The following OSMR variants were observed in gnomAD, a reference collection of about 807,000 sequenced individuals.
The protein encoded by OSMR is oncostatin M receptor, also known as oncostatin-M-specific receptor subunit beta.
Under a neutral mutation model 99.9 loss-of-function variants are expected in OSMR, and 81 were observed. That is an observed-to-expected ratio of 0.81 (90% CI 0.68 to 0.97). The LOEUF is 0.97. Ranked by LOEUF, OSMR falls within the 50% of genes least tolerant of loss-of-function variation. The pLI, the probability that OSMR is intolerant of heterozygous loss-of-function variation, is 0.00. For synonymous variants in OSMR, 406 were observed against 410.4 expected (o/e 0.99, Z 0.13); for missense variants, 1,099 against 1,153.4 (o/e 0.95, Z 0.68).
intron 3 of OSMR, among the ~76,000 whole-genome samples, chr5:38,877,842 T>A (rs987232952): frequency 2.0e-5 from 3 of 152,236 alleles, no homozygotes; most frequent in African/African-American, 4.8e-5. Flanking sequence ...GTGGATTTTT[T>A]TATTTATTTT....
exon 3 of OSMR, chr5:38,945,070 T>C (rs1168702779): frequency 5.1e-6 from 8 of 1,583,674 alleles, no homozygotes; most frequent in African/African-American, 1.4e-5. Context: ...CTTGAAAGTC[T>C]GAAGAAAAAA....
intron 4 of OSMR, among the ~76,000 whole-genome samples, chr5:38,882,565 A>T (rs2112373846): frequency 1.3e-5 from 2 of 151,934 alleles, no homozygotes; most frequent in Middle Eastern, 6.8e-3. Flanking sequence ...ACAGGGCAAG[A>T]TTCTGTCTCT....
In OSMR at chr5:38,925,204, A is replaced by G. The variant is rs774371362; in HGVS notation, c.2045A>G (p.Asp682Gly). 6.2e-7 allele frequency: 1 copy of G among 1,613,940 alleles called. No homozygotes were observed. Among genetic ancestry groups the G allele is most frequent in the African/African-American group, 1.3e-5 (1 of 75,040 alleles). Residue 682 changes from aspartate (D) to glycine (G), a missense_variant and splice_region_variant, in exon 15 of 18, where the codon GAT becomes GGT. By Grantham distance (94) the Asp-to-Gly change is moderately conservative. Transcript: ENST00000274276. ...AAAAAAACCATTTAAAAAATCACAG[A>G]TGGTTCAGAATGTTGCAAATACAAA... ...HPRFEKAVLS[D>G]GSECCKYKID...
intron 11 of OSMR, among the ~76,000 whole-genome samples, chr5:38,920,913 A>G (rs900179398): frequency 6.6e-6 from 1 of 152,206 alleles, no homozygotes. Context: ...ACATGGCAGT[A>G]TTAGTCATAA....
intron 4 of OSMR, among the ~76,000 whole-genome samples, chr5:38,882,343 G>A (rs2112371391): frequency 6.6e-6 from 1 of 152,338 alleles, no homozygotes; most frequent in Admixed American, 6.5e-5. Context: ...GGGAGGCCAA[G>A]GCGGGTGGAT....
intron 11 of OSMR, chr5:38,919,520 C>A: frequency 2.7e-6 from 1 of 371,970 alleles, no homozygotes. Context: ...ACCACAGACT[C>A]TGCCAACTTT....
intron 7 of OSMR, among the ~76,000 whole-genome samples, chr5:38,898,534 T>C (rs2112502650): frequency 6.6e-6 from 1 of 152,328 alleles, no homozygotes; most frequent in South Asian, 2.1e-4. Flanking sequence ...ATTGGGTCTT[T>C]TGTTTTTAAA....
chr5:38,941,473 T>C (rs1429688938), intron 1 of OSMR: 3 of 231,696 alleles, frequency 1.3e-5, no homozygotes, highest in Non-Finnish European at 2.6e-5. Flanking sequence ...AGTTCCTGTT[T>C]AAAGCGATGA....
intron 2 of OSMR, among the ~76,000 whole-genome samples, chr5:38,869,586 A>T (rs1742215555): frequency 1.3e-5 from 2 of 152,208 alleles, no homozygotes. Flanking sequence ...TGAAAATATG[A>T]AACAATAGAA....
chr5:38,918,738 G>A, intron 10 of OSMR, 102 bp from the exon 11 acceptor site: 1 of 1,546,876 alleles, frequency 6.5e-7, no homozygotes, highest in Non-Finnish European at 8.7e-7. Flanking sequence ...TCTGGTGTGT[G>A]CGTATATAAA....
rs1292740585 is a variant in OSMR at position 38,876,203 on chromosome 5, T to C, written c.76T>C (p.Leu26=). ...ATACTTCATTTTGATCTTTTCAGTC[T>C]TGGCTGAACGTTTACCATTGACTCC... ...LSLRTYQSEV[L]AERLPLTPVS... is the part of the protein sequence containing the mutation. Residue 26 remains leucine, a splice_region_variant and synonymous_variant, in exon 3 of 18, where the codon TTG becomes CTG. Coordinates refer to ENST00000274276, the MANE Select transcript of OSMR (RefSeq NM_003999.3). The C allele has an allele frequency of 8.1e-6, 13 of 1,611,682 alleles. No homozygotes were observed. The highest frequency in any genetic ancestry group is 1.1e-5 in the Non-Finnish European group (13 of 1,177,824).
At chr5:38,942,723 TG>T (rs2112783069) in intron 1 of OSMR, 1 of 862,604 alleles carries the variant, frequency 1.2e-6, no homozygotes, top group South Asian at 1.6e-5. Context: ...CACAAAGTGC[TG>T]GGATTGTAGG....
intron 7 of OSMR, among the ~76,000 whole-genome samples, chr5:38,898,418 C>T (rs925926961): frequency 2.6e-5 from 4 of 152,268 alleles, no homozygotes; most frequent in South Asian, 2.1e-4. Flanking sequence ...TAAAGCTACT[C>T]CTGTTTCTTT....
intron 8 of OSMR, 139 bp from the exon 9 acceptor site, chr5:38,904,214 T>C (rs887497142): frequency 3.2e-5 from 49 of 1,526,074 alleles, no homozygotes; most frequent in Non-Finnish European, 3.9e-5. Context: ...AAGATTTTTT[T>C]CCCCCCAAAG....
At chr5:38,848,955 T>C (rs2111995404) in intron 1 of OSMR, among the ~76,000 whole-genome samples, 1 of 152,224 alleles carries the variant, frequency 6.6e-6, no homozygotes, top group South Asian at 2.1e-4. Context: ...TTTTTGTATT[T>C]TTTGTAAAGA....
chr5:38,875,449 A>C (rs1340077583), intron 2 of OSMR, among the ~76,000 whole-genome samples: 1 of 152,226 alleles, frequency 6.6e-6, no homozygotes, highest in Non-Finnish European at 1.5e-5. Flanking sequence ...TGGTTTATGC[A>C]GTCAGCCTAA....
chr5:38,888,200 G>T (rs116792249), intron 7 of OSMR, among the ~76,000 whole-genome samples: 4,818 of 152,234 alleles, frequency 0.032, 215 homozygotes, highest in African/African-American at 0.098. Flanking sequence ...GACCAGGCAT[G>T]TCATTCACAT....
intron 2 of OSMR, among the ~76,000 whole-genome samples, chr5:38,873,902 G>A (rs1025035617): frequency 2.0e-5 from 3 of 151,944 alleles, no homozygotes; most frequent in Admixed American, 6.6e-5. Context: ...GTGTGATCAC[G>A]GTTCACTGCA....
Position 38,881,676 on chromosome 5 carries a change from C to G in OSMR, c.330C>G (p.His110Gln). ...AGCTCCCTTTGGAATGTGCCACACA[C>G]TTTGTAAGAATAAAGAGTTTGGTGG... ...ESELPLECAT[H>Q]FVRIKSLVDD... The change falls in exon 4 of 18, where the codon CAC becomes CAG. Residue 110 changes from histidine (H) to glutamine (Q), a missense_variant. His to Gln is a conservative substitution (Grantham distance 24). Transcript: ENST00000274276. The G allele has an allele frequency of 6.2e-7, 1 of 1,614,204 alleles. No individual in the cohort carries two copies. Among genetic ancestry groups the G allele is most frequent in the Non-Finnish European group, 8.5e-7 (1 of 1,180,032 alleles).
Sources: allele counts gnomAD v4.1 joint callset (sites outside exome capture counted in the v4.1 genomes callset), GRCh38; gene constraint gnomAD v4.1.1; transcripts MANE v1.5; gene names NCBI Gene and HGNC (gene_info 2026-07-23, HGNC 2026-07-21).